The following NRXN3 variants were observed in gnomAD, a reference collection of about 807,000 sequenced individuals.
NRXN3 encodes neurexin III.
Under a neutral mutation model 137.6 loss-of-function variants are expected in NRXN3, and 32 were observed. The observed-to-expected ratio is 0.23, with a 90% confidence interval of 0.18 to 0.31. The LOEUF (loss-of-function observed/expected upper bound fraction) is 0.31. Among genes scored for constraint, NRXN3 ranks in the 10% least tolerant of loss-of-function variants. The pLI, the probability that NRXN3 is intolerant of heterozygous loss-of-function variation, is 1.00. For synonymous variants in NRXN3, 798 were observed against 784.5 expected (o/e 1.02, Z -0.29); for missense variants, 1,574 against 2,062.5 (o/e 0.76, Z 4.59).
intron 15 of NRXN3, among the ~76,000 whole-genome samples, chr14:79,441,288 C>A (rs2095939581): frequency 7.2e-6 from 1 of 139,394 alleles, no homozygotes; most frequent in South Asian, 2.6e-4. Context: ...TCTTCATTTT[C>A]AATTCTAAAA....
At chr14:79,420,833 A>G (rs1301713726) in intron 15 of NRXN3, among the ~76,000 whole-genome samples, 2 of 152,152 alleles carry the variant, frequency 1.3e-5, no homozygotes, top group Non-Finnish European at 2.9e-5. Flanking sequence ...GAAGAAATAC[A>G]TTTGAATCTG....
chr14:78,193,347 G>T (rs552195193), intron 1 of NRXN3, among the ~76,000 whole-genome samples: 28 of 152,242 alleles, frequency 1.8e-4, no homozygotes, highest in African/African-American at 6.7e-4. Flanking sequence ...ATGCGATTTT[G>T]CTTAAATAAC....
chr14:79,180,337 C>A (rs1186710264), intron 15 of NRXN3, among the ~76,000 whole-genome samples: 2 of 152,180 alleles, frequency 1.3e-5, no homozygotes, highest in East Asian at 1.9e-4. Context: ...AATTTGAAAT[C>A]ATAGTCTCTA....
rs1211454633 is a variant in NRXN3, at chr14:78,814,278, A to G, written c.2275+3934A>G. On this transcript the variant is annotated intron_variant, in intron 10 of 20. Transcript: ENST00000335750. ...CAAAAGAACAACAGAGTTGGCAGCCATCATGGCGAATTGAACTACAGGGTG... is the reference window on the plus strand; with the variant it reads ...CAAAAGAACAACAGAGTTGGCAGCCGTCATGGCGAATTGAACTACAGGGTG... Among the ~76,000 whole-genome samples the G allele has an allele frequency of 2.0e-5, 3 of 152,232 alleles. No homozygotes were observed. In the East Asian group the frequency reaches 5.8e-4, roughly 29 times the overall value.
chr14:79,031,961 C>T (rs1047169303), intron 15 of NRXN3, among the ~76,000 whole-genome samples: 9 of 151,892 alleles, frequency 5.9e-5, no homozygotes, highest in African/African-American at 1.9e-4. Context: ...TCCTCCCCTC[C>T]GACCAAAAAA....
chr14:78,378,978 G>T (rs1221457233), intron 4 of NRXN3, among the ~76,000 whole-genome samples: 1 of 151,496 alleles, frequency 6.6e-6, no homozygotes, highest in Non-Finnish European at 1.5e-5. Context: ...GGCAATAAAA[G>T]AATACTGCAA....
intron 4 of NRXN3, among the ~76,000 whole-genome samples, chr14:78,455,854 C>T (rs2094685245): frequency 6.6e-6 from 1 of 152,188 alleles, no homozygotes; most frequent in Non-Finnish European, 1.5e-5. Flanking sequence ...GGCCCAAGGA[C>T]ATCTCACATT....
intron 4 of NRXN3, among the ~76,000 whole-genome samples, chr14:78,590,954 A>T (rs543791548): frequency 6.6e-6 from 1 of 152,316 alleles, no homozygotes; most frequent in East Asian, 1.9e-4. Context: ...TCCAATTAAC[A>T]ACAGGAGATG....
chr14:79,640,881 T>C (rs1167042853), intron 16 of NRXN3, among the ~76,000 whole-genome samples: 1 of 135,830 alleles, frequency 7.4e-6, no homozygotes, highest in Admixed American at 7.8e-5. Flanking sequence ...AAAGAATACT[T>C]CCATGGTCTA....
chr14:78,836,832 T>A (rs2098998391), intron 10 of NRXN3, among the ~76,000 whole-genome samples: 1 of 152,206 alleles, frequency 6.6e-6, no homozygotes. Context: ...GATAATAGAC[T>A]ATGAGTAGGG....
rs1324769919 is a variant in NRXN3, at chr14:79,719,458, G to A, written c.4014+21521G>A. On this transcript the variant is annotated intron_variant, in intron 19 of 20. Transcript: ENST00000335750. ...CAAAAACAAAATCAAAACAAAAAAG[G>A]CAATTATCTATGAACCTGATTTCTG... is the stretch of plus-strand genomic sequence containing the variant. Among the ~76,000 whole-genome samples the A allele has an allele frequency of 2.1e-5, 3 of 144,414 alleles. No homozygotes were observed. In the East Asian group the frequency reaches 6.2e-4, roughly 30 times the overall value. The allele number at this position is 144,414 out of a possible 152,430, so 94.7% of individuals were successfully genotyped here.
intron 4 of NRXN3, among the ~76,000 whole-genome samples, chr14:78,343,731 A>C (rs28391038): frequency 6.6e-6 from 1 of 152,194 alleles, no homozygotes; most frequent in Non-Finnish European, 1.5e-5. Flanking sequence ...AGCTGCCAGC[A>C]CAAAACCTCC....
intron 4 of NRXN3, among the ~76,000 whole-genome samples, chr14:78,339,735 T>C (rs764006983): frequency 6.6e-6 from 1 of 152,114 alleles, no homozygotes; most frequent in Non-Finnish European, 1.5e-5. Context: ...GAAGTAAATA[T>C]CTTTAGGCAG....
intron 1 of NRXN3, among the ~76,000 whole-genome samples, chr14:78,171,674 A>T (rs773734212): frequency 1.2e-4 from 16 of 138,508 alleles, no homozygotes; most frequent in Non-Finnish European, 2.3e-4. Flanking sequence ...TTCTTAGGCC[A>T]GTGATGTAAT....
At chr14:78,358,612 A>G (rs1417892061) in intron 4 of NRXN3, among the ~76,000 whole-genome samples, 2 of 152,094 alleles carry the variant, frequency 1.3e-5, no homozygotes, top group African/African-American at 4.8e-5. Flanking sequence ...AGCTCATCTT[A>G]GTGGCTGCAT....
chr14:78,261,167 G>GC (rs2070655110), intron 2 of NRXN3, among the ~76,000 whole-genome samples: 1 of 152,162 alleles, frequency 6.6e-6, no homozygotes, highest in Non-Finnish European at 1.5e-5. Context: ...TTGAATGGGG[G>GC]CGGGGGGGCT....
chr14:78,982,103 C>T (rs2099490899), intron 14 of NRXN3, among the ~76,000 whole-genome samples: 1 of 151,950 alleles, frequency 6.6e-6, no homozygotes, highest in South Asian at 2.1e-4. Flanking sequence ...CCCCACCCAC[C>T]CTAAGAAAAA....
intron 15 of NRXN3, among the ~76,000 whole-genome samples, chr14:79,365,561 T>C (rs1208104276): frequency 6.7e-6 from 1 of 148,732 alleles, no homozygotes; most frequent in Non-Finnish European, 1.5e-5. Flanking sequence ...CTACTAAAAA[T>C]ATAAAAAATT....
chr14:78,634,342 A>G (rs1279839639), intron 4 of NRXN3, among the ~76,000 whole-genome samples: 1 of 152,192 alleles, frequency 6.6e-6, no homozygotes, highest in African/African-American at 2.4e-5. Flanking sequence ...ACTCAACTTC[A>G]TTTCAATTCA....
Sources: allele counts gnomAD v4.1 joint callset (sites outside exome capture counted in the v4.1 genomes callset), GRCh38; gene constraint gnomAD v4.1.1; transcripts MANE v1.5; gene names NCBI Gene and HGNC (gene_info 2026-07-23, HGNC 2026-07-21).